The following ERBB4 variants were observed in gnomAD, a reference collection of about 807,000 sequenced individuals.
ERBB4 encodes the protein receptor tyrosine-protein kinase erbB-4.
ERBB4 carries 42 observed loss-of-function variants against 158.0 expected under a neutral mutation model. The ratio of observed to expected loss-of-function variants is 0.27; its 90% CI spans 0.21 to 0.34. The LOEUF is 0.34. ERBB4 is among the 10% of genes least tolerant of loss of function. The pLI, the probability that ERBB4 is intolerant of heterozygous loss-of-function variation, is 1.00. For missense variants in ERBB4, 1,333 were observed against 1,624.1 expected (o/e 0.82, Z 3.08); for synonymous variants, 583 against 558.7 (o/e 1.04, Z -0.61).
At chr2:211,593,319 G>A (rs1479051645) in intron 19 of ERBB4, among the ~76,000 whole-genome samples, 1 of 152,150 alleles carries the variant, frequency 6.6e-6, no homozygotes, top group African/African-American at 2.4e-5. Flanking sequence ...TAAATGTAAG[G>A]CAAGGTAATT....
In ERBB4 at chr2:212,124,736, A is replaced by C. The variant is rs372193403; in HGVS notation, c.234+16T>G. The C allele has an allele frequency of 1.5e-5, 25 of 1,613,980 alleles. No homozygotes were observed. The highest frequency in any genetic ancestry group is 3.3e-5 in the Admixed American group (2 of 60,000). On this transcript the variant is annotated intron_variant, in intron 2 of 27. Transcript: ENST00000342788. ...CTGTCCATTCACAAAGAAGAGAAAG[A>C]AAGCCACAGCTTTACCCGCAGGAAG...
chr2:211,417,279 C>T (rs1235034677), intron 25 of ERBB4, among the ~76,000 whole-genome samples: 1 of 151,792 alleles, frequency 6.6e-6, no homozygotes, highest in Admixed American at 6.6e-5. Context: ...TCAAGAGTAG[C>T]CTTGGCAACA....
chr2:212,349,606 A>G (rs1056381048), intron 1 of ERBB4, among the ~76,000 whole-genome samples: 2 of 152,096 alleles, frequency 1.3e-5, no homozygotes, highest in African/African-American at 4.8e-5. Context: ...TTCTTTTAGT[A>G]TTTCCTTAGT....
chr2:212,532,539 A>C (rs1692812404), intron 1 of ERBB4, among the ~76,000 whole-genome samples: 1 of 152,254 alleles, frequency 6.6e-6, no homozygotes, highest in Non-Finnish European at 1.5e-5. Context: ...AATTAATTGA[A>C]TTATTAAAAA....
intron 2 of ERBB4, among the ~76,000 whole-genome samples, chr2:212,012,478 G>A (rs968045804): frequency 4.7e-5 from 7 of 148,850 alleles, no homozygotes; most frequent in South Asian, 2.1e-4. Context: ...GTGCGGTGGC[G>A]CAATCTCAGC....
Position 211,431,043 on chromosome 2 carries a change from C to T in ERBB4, c.2545G>A (p.Val849Ile), listed in dbSNP as rs760762277. 1.9e-6 allele frequency: 3 copies of T among 1,613,934 alleles called. No homozygotes were observed. Among genetic ancestry groups the T allele is most frequent in the Non-Finnish European group, 2.5e-6 (3 of 1,179,796 alleles). ...LVHRDLAARNVLVKSPNHVKI... is the reference protein window; with the variant it reads ...LVHRDLAARNILVKSPNHVKI... ...ACATGGTTTGGAGATTTCACTAAGACATTACGGGCTGCCAAATCCCGATGA... is the reference window on the plus strand; with the variant it reads ...ACATGGTTTGGAGATTTCACTAAGATATTACGGGCTGCCAAATCCCGATGA... The change falls in exon 21 of 28, where the codon GTC (valine) becomes ATC (isoleucine). Residue 849 changes from valine to isoleucine, a missense_variant. By Grantham distance (29) the Val-to-Ile change is conservative (BLOSUM62 3). Transcript: ENST00000342788.
intron 1 of ERBB4, among the ~76,000 whole-genome samples, chr2:212,230,956 C>A (rs1215187601): frequency 6.6e-6 from 1 of 152,046 alleles, no homozygotes; most frequent in Non-Finnish European, 1.5e-5. Context: ...TTCACTGATA[C>A]CTAAAAAACT....
At chr2:211,896,904 A>G (rs2079111621) in intron 3 of ERBB4, among the ~76,000 whole-genome samples, 1 of 152,000 alleles carries the variant, frequency 6.6e-6, no homozygotes, top group South Asian at 2.1e-4. Flanking sequence ...GGTCTTGTTA[A>G]CAAGAGAATA....
chr2:212,232,934 CAA>C (rs1688102733), intron 1 of ERBB4, among the ~76,000 whole-genome samples: 1 of 152,032 alleles, frequency 6.6e-6, no homozygotes, highest in African/African-American at 2.4e-5. Flanking sequence ...TCAAAAGCAA[CAA>C]AAGTTAAAAA....
At chr2:212,189,084 G>A (rs1047292592) in intron 1 of ERBB4, among the ~76,000 whole-genome samples, 2 of 98,112 alleles carry the variant, frequency 2.0e-5, no homozygotes, top group East Asian at 2.8e-4. Flanking sequence ...TTTTTTTTTG[G>A]GGGGGGGGGT....
chr2:212,407,424 A>G (rs907842411), intron 1 of ERBB4, among the ~76,000 whole-genome samples: 1 of 152,084 alleles, frequency 6.6e-6, no homozygotes, highest in Non-Finnish European at 1.5e-5. Context: ...TTACAGATAA[A>G]GAAACTGAGG....
At chr2:212,126,353 G>A (rs1333540612) in intron 1 of ERBB4, among the ~76,000 whole-genome samples, 2 of 151,138 alleles carry the variant, frequency 1.3e-5, no homozygotes, top group African/African-American at 2.4e-5. Flanking sequence ...CCAGCTACTC[G>A]GGAGCCTGAG....
intron 25 of ERBB4, among the ~76,000 whole-genome samples, chr2:211,420,058 T>C (rs553951212): frequency 2.7e-4 from 41 of 152,110 alleles, no homozygotes; most frequent in African/African-American, 8.7e-4. Flanking sequence ...TTGACTAATA[T>C]ATCATAATAT....
chr2:211,783,849 G>T (rs2076094239), intron 4 of ERBB4, among the ~76,000 whole-genome samples: 1 of 152,054 alleles, frequency 6.6e-6, no homozygotes, highest in Admixed American at 6.6e-5. Flanking sequence ...TTGTTTCTCT[G>T]CCAGGCTTTG....
intron 5 of ERBB4, among the ~76,000 whole-genome samples, chr2:211,730,450 C>T (rs2074392100): frequency 6.6e-6 from 1 of 151,854 alleles, no homozygotes; most frequent in Admixed American, 6.6e-5. Flanking sequence ...TCCTCCTCCC[C>T]CATCTCCTTC....
intron 1 of ERBB4, among the ~76,000 whole-genome samples, chr2:212,212,905 A>G (rs896598956): frequency 4.6e-5 from 7 of 152,154 alleles, no homozygotes. Flanking sequence ...TATGCCTTAT[A>G]CAAAAATTAA....
chr2:212,282,097 A>T (rs542575780), intron 1 of ERBB4, among the ~76,000 whole-genome samples: 1 of 151,992 alleles, frequency 6.6e-6, no homozygotes, highest in East Asian at 1.9e-4. Context: ...TCAGGTTATC[A>T]TAATATTCTC....
intron 20 of ERBB4, among the ~76,000 whole-genome samples, chr2:211,464,072 T>A (rs1458201039): frequency 2.0e-5 from 3 of 152,176 alleles, no homozygotes; most frequent in African/African-American, 7.2e-5. Context: ...CCATGAAAAC[T>A]ACCCTGCCCA....
chr2:212,012,939 C>A (rs1441638625), intron 2 of ERBB4, among the ~76,000 whole-genome samples: 1 of 151,926 alleles, frequency 6.6e-6, no homozygotes, highest in East Asian at 1.9e-4. Context: ...GAGACGGGGT[C>A]TCACTCTGTT....
Sources: allele counts gnomAD v4.1 joint callset (sites outside exome capture counted in the v4.1 genomes callset), GRCh38; gene constraint gnomAD v4.1.1; transcripts MANE v1.5; gene names NCBI Gene and HGNC (gene_info 2026-07-23, HGNC 2026-07-21).